The following FAP variants were observed in gnomAD, a reference collection of about 807,000 sequenced individuals.
FAP encodes the protein prolyl endopeptidase FAP.
FAP carries 110 observed loss-of-function variants against 126.5 expected under a neutral mutation model. The ratio of observed to expected loss-of-function variants is 0.87; its 90% CI spans 0.74 to 1.02. The LOEUF (loss-of-function observed/expected upper bound fraction) is 1.02. Ranked by LOEUF, FAP falls within the 50% of genes least tolerant of loss-of-function variation. The pLI is 0.00. For missense variants in FAP, 919 were observed against 909.2 expected (o/e 1.01, Z -0.14); for synonymous variants, 334 against 297.3 (o/e 1.12, Z -1.27).
chr2:162,202,964 GT>G, intron 13 of FAP, 22 bp from the exon 14 acceptor site: 1 of 1,608,558 alleles, frequency 6.2e-7, no homozygotes, highest in Non-Finnish European at 8.5e-7. Context: ...CAAACATTAT[GT>G]TGTGTGAAAC....
At chr2:162,202,819 C>T in intron 14 of FAP, 53 bp downstream of exon 14, 1 of 1,290,026 alleles carries the variant, frequency 7.8e-7, no homozygotes, top group East Asian at 2.3e-5. Flanking sequence ...CATTTATGTC[C>T]ATCGGTGCCA....
At chr2:162,226,762 A>C (rs866826458) in intron 2 of FAP, 141 bp from the exon 3 acceptor site, 4 of 529,440 alleles carry the variant, frequency 7.6e-6, no homozygotes, top group Middle Eastern at 9.3e-4. Flanking sequence ...TCCTATCATC[A>C]TAACTATTAT....
chr2:162,170,769 T>C lies in FAP; in HGVS notation c.*210A>G. ...GTCCAAAGCAAAATGCATGACTCCCTTTTCTCTTCTTTCACAGAGTACCAG... is the reference window on the plus strand; with the variant it reads ...GTCCAAAGCAAAATGCATGACTCCCCTTTCTCTTCTTTCACAGAGTACCAG... On this transcript the variant is annotated 3_prime_UTR_variant, in exon 26 of 26. Coordinates refer to ENST00000188790, the MANE Select transcript of FAP (RefSeq NM_004460.5). 2.0e-6 allele frequency: 1 copy of C among 494,802 alleles called. No individual in the cohort carries two copies. Among genetic ancestry groups the C allele is most frequent in the South Asian group, 2.9e-5 (1 of 33,946 alleles). 30.7% of individuals were successfully genotyped at this position (494,802 alleles called of 1,614,324 possible).
At chr2:162,188,427 G>A (rs1303628921) in intron 19 of FAP, 64 bp from the exon 20 acceptor site, 21 of 1,379,842 alleles carry the variant, frequency 1.5e-5, no homozygotes, top group East Asian at 2.4e-5. Flanking sequence ...TTCCCATCCT[G>A]GCCAAGCATT....
At chr2:162,196,633 T>C in intron 16 of FAP, among the ~76,000 whole-genome samples, 1 of 152,088 alleles carries the variant, frequency 6.6e-6, no homozygotes, top group Non-Finnish European at 1.5e-5. Context: ...AAGCCTACCT[T>C]GCATGCTTTT....
At chr2:162,192,658 A>G (rs1264387350) in intron 17 of FAP, among the ~76,000 whole-genome samples, 1 of 152,100 alleles carries the variant, frequency 6.6e-6, no homozygotes, top group Non-Finnish European at 1.5e-5. Context: ...TGGCATCCAG[A>G]TCCAAAATGA....
chr2:162,174,924 T>C lies in FAP; in HGVS notation c.1912A>G (p.Thr638Ala). The change falls in exon 22 of 26, where the codon ACT (threonine) becomes GCT (alanine). Residue 638 changes from threonine (T) to alanine (A), a missense_variant. Coordinates refer to ENST00000188790, the MANE Select transcript of FAP (RefSeq NM_004460.5). ...YVSSLALASG[T>A]GLFKCGIAVA... The stretch of plus-strand genomic sequence containing the variant: ...GCTATACCACATTTGAAAAGACCAG[T>C]TCCAGATGCAAGGGCCAGTGATGAA... 6.2e-7 allele frequency: 1 copy of C among 1,612,930 alleles called. No homozygotes were observed. Among genetic ancestry groups the C allele is most frequent in the Non-Finnish European group, 8.5e-7 (1 of 1,179,180 alleles).
intron 20 of FAP, 89 bp downstream of exon 20, chr2:162,188,080 G>T: frequency 9.2e-7 from 1 of 1,089,004 alleles, no homozygotes. Flanking sequence ...AAAAACAAAA[G>T]AATTAAGTCA....
chr2:162,226,560 T>C lies in FAP; in HGVS notation c.153A>G (p.Thr51=). Residue 51 remains threonine, a synonymous_variant, in exon 3 of 26, where the codon ACA becomes ACG. Coordinates refer to ENST00000188790, the MANE Select transcript of FAP (RefSeq NM_004460.5). ...TTGGAAAAAATGTTTTATAAGAAAA[T>C]GTTCCATTTAAAATATCCTTCAGTG... ...ALTLKDILNG[T]FSYKTFFPNW... is the part of the protein sequence containing the mutation. 5 of 1,596,016 alleles carry C rather than the reference T, an allele frequency of 3.1e-6. No individual in the cohort carries two copies. The highest frequency in any genetic ancestry group is 2.6e-6 in the Non-Finnish European group (3 of 1,169,396).
rs1433509998 is a variant in FAP at position 162,172,882 on chromosome 2, T to C, written c.2110A>G (p.Asn704Asp). Residue 704 changes from asparagine (N) to aspartate (D), a missense_variant and splice_region_variant, in exon 25 of 26, where the codon AAT (asparagine) becomes GAT (aspartate). Transcript: ENST00000188790. ...YLLIHGTADDNVHFQNSAQIA... is the reference protein window; with the variant it reads ...YLLIHGTADDDVHFQNSAQIA... ...TGTGCTGAGTTTTGAAAGTGCACAT[T>C]ATCTGCAACAAAGAGAGAGAGAGTT... 3.1e-6 allele frequency: 5 copies of C among 1,610,754 alleles called. No homozygotes were observed. Among genetic ancestry groups the C allele is most frequent in the African/African-American group, 1.3e-5 (1 of 74,820 alleles).
At chr2:162,180,561 G>A (rs1166645815) in intron 21 of FAP, among the ~76,000 whole-genome samples, 1 of 152,126 alleles carries the variant, frequency 6.6e-6, no homozygotes, top group Non-Finnish European at 1.5e-5. Context: ...CTCAAACTAA[G>A]GCAGTGTCAG....
chr2:162,183,706 C>A (rs186796648), intron 20 of FAP: 6 of 369,750 alleles, frequency 1.6e-5, no homozygotes, highest in African/African-American at 1.1e-4. Flanking sequence ...AATGTCAGAG[C>A]GGTATAAGGC....
intron 2 of FAP, among the ~76,000 whole-genome samples, chr2:162,229,809 A>G (rs1689818531): frequency 6.6e-6 from 1 of 152,002 alleles, no homozygotes; most frequent in Non-Finnish European, 1.5e-5. Flanking sequence ...ATATGAGTGC[A>G]TAGTAGCTAT....
chr2:162,183,955 A>G (rs1241033577), intron 20 of FAP, among the ~76,000 whole-genome samples: 2 of 152,200 alleles, frequency 1.3e-5, no homozygotes, highest in African/African-American at 2.4e-5. Context: ...ACCGTCTTCC[A>G]TTTCATACTT....
rs572879931 is a variant in FAP at position 162,219,226 on chromosome 2, A to G, written c.487-43T>C. On this transcript the variant is annotated intron_variant, in intron 7 of 25. Transcript: ENST00000188790. ...GGGAAATTCCACAACAAATTAAATG[A>G]AGGCTGTATATTTGTTTTAATTATT... 6.2e-5 allele frequency: 98 copies of G among 1,569,594 alleles called. No individual in the cohort carries two copies. In the South Asian group the frequency reaches 1.0e-3, roughly 17 times the overall value.
At position 162,224,447 on chromosome 2, in the gene FAP, C is replaced by G; in HGVS notation, c.360+19G>C. The stretch of plus-strand genomic sequence containing the variant: ...AGTAGGAGATACAATTGGATATAAC[C>G]AAATTAAATAGTTGATACCTTTGAA... On this transcript the variant is annotated intron_variant, in intron 5 of 25. Transcript: ENST00000188790. 2 of 1,481,160 alleles carry G rather than the reference C, an allele frequency of 1.4e-6. No individual in the cohort carries two copies. The highest frequency in any genetic ancestry group is 1.2e-5 in the South Asian group (1 of 82,350). 91.8% of individuals were successfully genotyped at this position (1,481,160 alleles called of 1,614,324 possible).
chr2:162,178,291 C>A (rs1359173089), intron 21 of FAP, among the ~76,000 whole-genome samples: 2 of 152,156 alleles, frequency 1.3e-5, no homozygotes, highest in Admixed American at 6.6e-5. Flanking sequence ...TTAAGCAAAA[C>A]CCTCGCTGCT....
At chr2:162,190,574 T>C (rs1335668974) in intron 17 of FAP, among the ~76,000 whole-genome samples, 1 of 152,154 alleles carries the variant, frequency 6.6e-6, no homozygotes, top group Non-Finnish European at 1.5e-5. Flanking sequence ...AATAGGTTTC[T>C]AGCAATAGCG....
intron 23 of FAP, 71 bp downstream of exon 23, chr2:162,173,652 G>T: frequency 9.5e-7 from 1 of 1,050,092 alleles, no homozygotes; most frequent in Non-Finnish European, 1.5e-6. Flanking sequence ...TGTAAATTCT[G>T]AACTACTGCT....
Sources: allele counts gnomAD v4.1 joint callset (sites outside exome capture counted in the v4.1 genomes callset), GRCh38; gene constraint gnomAD v4.1.1; transcripts MANE v1.5; gene names NCBI Gene and HGNC (gene_info 2026-07-23, HGNC 2026-07-21).